Variants in TRIM24 observed in about 807,000 individuals in gnomAD.
TRIM24 encodes the protein transcription intermediary factor 1-alpha.
TRIM24 carries 29 observed loss-of-function variants against 123.9 expected under a neutral mutation model. The observed-to-expected ratio is 0.23, with a 90% CI of 0.17 to 0.32. The LOEUF is 0.32. TRIM24 is among the 10% of genes least tolerant of loss of function. The pLI is 1.00. For synonymous variants in TRIM24, 456 were observed against 461.1 expected (o/e 0.99, Z 0.14); for missense variants, 932 against 1,295.3 (o/e 0.72, Z 4.31).
chr7:138,469,696 G>A (rs1426060740), intron 1 of TRIM24, among the ~76,000 whole-genome samples: 1 of 152,124 alleles, frequency 6.6e-6, no homozygotes, highest in African/African-American at 2.4e-5. Flanking sequence ...GTAATGTGGT[G>A]TGGCACACCA....
intron 6 of TRIM24, among the ~76,000 whole-genome samples, chr7:138,530,186 G>C (rs1360142463): frequency 6.6e-6 from 1 of 150,568 alleles, no homozygotes; most frequent in African/African-American, 2.5e-5. Context: ...GGAACAATCA[G>C]ACCCCATTTA....
intron 7 of TRIM24, among the ~76,000 whole-genome samples, chr7:138,546,974 G>A (rs1444093188): frequency 6.6e-6 from 1 of 152,138 alleles, no homozygotes; most frequent in East Asian, 1.9e-4. Context: ...TTGAATAGAT[G>A]TATGTACTCC....
At chr7:138,515,459 T>A in intron 3 of TRIM24, 100 bp downstream of exon 3, 1 of 1,359,768 alleles carries the variant, frequency 7.4e-7, no homozygotes, top group Non-Finnish European at 1.0e-6. Flanking sequence ...TGATAAGTAT[T>A]AAATATACTG....
intron 9 of TRIM24, among the ~76,000 whole-genome samples, chr7:138,560,361 T>G (rs1258205734): frequency 6.6e-6 from 1 of 152,162 alleles, no homozygotes; most frequent in African/African-American, 2.4e-5. Flanking sequence ...TAACAATACT[T>G]TAGTCACTTC....
At chr7:138,524,412 A>G (rs964441519) in intron 4 of TRIM24, among the ~76,000 whole-genome samples, 15 of 152,174 alleles carry the variant, frequency 9.9e-5, no homozygotes, top group Non-Finnish European at 1.8e-4. Flanking sequence ...AGTTGCCTAT[A>G]AAAGTATTTG....
intron 1 of TRIM24, among the ~76,000 whole-genome samples, chr7:138,469,597 C>G (rs942714226): frequency 2.0e-5 from 3 of 152,124 alleles, no homozygotes; most frequent in Non-Finnish European, 4.4e-5. Context: ...CTGCCGAGCC[C>G]TTTCTTAATT....
chr7:138,530,059 C>G (rs1796697278), intron 6 of TRIM24, among the ~76,000 whole-genome samples: 1 of 152,026 alleles, frequency 6.6e-6, no homozygotes, highest in Non-Finnish European at 1.5e-5. Context: ...AAAGTTCTAT[C>G]CCTTCTGGGA....
intron 3 of TRIM24, among the ~76,000 whole-genome samples, chr7:138,516,580 C>T (rs1018226910): frequency 4.6e-5 from 7 of 152,108 alleles, no homozygotes. Context: ...GTCTCGAACT[C>T]CTGACCTCAA....
chr7:138,570,305 T>C (rs1797627583), intron 10 of TRIM24, among the ~76,000 whole-genome samples: 1 of 152,164 alleles, frequency 6.6e-6, no homozygotes, highest in Non-Finnish European at 1.5e-5. Flanking sequence ...TTCACCTCTA[T>C]ATACTTCAGC....
At chr7:138,501,692 C>T (rs1044471069) in intron 1 of TRIM24, among the ~76,000 whole-genome samples, 3 of 152,002 alleles carry the variant, frequency 2.0e-5, no homozygotes, top group African/African-American at 7.2e-5. Flanking sequence ...TCAAGACCAT[C>T]CTGGCTAACA....
intron 18 of TRIM24, among the ~76,000 whole-genome samples, chr7:138,584,253 ATTC>A (rs1797966194): frequency 6.6e-6 from 1 of 152,212 alleles, no homozygotes; most frequent in African/African-American, 2.4e-5. Context: ...ACCTAGACAT[ATTC>A]TTTATCATTC....
Position 138,579,275 on chromosome 7 carries a change from T to G in TRIM24, c.2328T>G (p.Thr776=). 1 of 1,614,156 alleles carries G rather than the reference T, an allele frequency of 6.2e-7. No homozygotes were observed. The highest frequency in any genetic ancestry group is 8.5e-7 in the Non-Finnish European group (1 of 1,179,996). ...NSSQSSTSEE[T]VLRSDAPDST... ...GTCAGAGCTCTACTTCTGAGGAGAC[T>G]GTGCTAAGATCAGATGCCCCTGATA... Residue 776 remains threonine (T), a synonymous_variant, in exon 15 of 19, where the codon ACT becomes ACG. Coordinates refer to ENST00000343526, the MANE Select transcript of TRIM24 (RefSeq NM_015905.3).
At chr7:138,582,105 A>ATC (rs1420917918) in intron 17 of TRIM24, among the ~76,000 whole-genome samples, 1 of 152,218 alleles carries the variant, frequency 6.6e-6, no homozygotes, top group Non-Finnish European at 1.5e-5. Context: ...AAATAAAGAC[A>ATC]TCTCTCCCTG....
chr7:138,547,428 A>G (rs908866765), intron 7 of TRIM24, among the ~76,000 whole-genome samples: 4 of 152,238 alleles, frequency 2.6e-5, no homozygotes, highest in African/African-American at 7.2e-5. Flanking sequence ...ATATGAGGTA[A>G]TACATAGATT....
intron 1 of TRIM24, among the ~76,000 whole-genome samples, chr7:138,497,399 T>C (rs938205892): frequency 7.1e-5 from 8 of 112,552 alleles, no homozygotes; most frequent in African/African-American, 2.5e-4. Flanking sequence ...ATTTCTTTTT[T>C]TTTTTTTTTT....
intron 2 of TRIM24, among the ~76,000 whole-genome samples, chr7:138,507,496 T>A (rs1014992270): frequency 6.6e-6 from 1 of 151,860 alleles, no homozygotes; most frequent in Non-Finnish European, 1.5e-5. Context: ...GCCTGGCTAA[T>A]TTTTGATACA....
chr7:138,499,718 A>G (rs1795994295), intron 1 of TRIM24, among the ~76,000 whole-genome samples: 1 of 152,132 alleles, frequency 6.6e-6, no homozygotes. Flanking sequence ...GGTGTGGGGC[A>G]GGGCAGGGAA....
At chr7:138,580,324 G>T (rs549675287) in intron 15 of TRIM24, among the ~76,000 whole-genome samples, 2 of 151,992 alleles carry the variant, frequency 1.3e-5, no homozygotes, top group South Asian at 2.1e-4. Context: ...TTCAATATAT[G>T]TATCTCACAC....
At position 138,573,568 on chromosome 7, in the gene TRIM24, A is replaced by G. The variant is rs1348273574; in HGVS notation, c.1940A>G (p.His647Arg). Residue 647 changes from histidine to arginine, a missense_variant, in exon 12 of 19, where the codon CAT (histidine) becomes CGT (arginine). Coordinates refer to ENST00000343526, the MANE Select transcript of TRIM24 (RefSeq NM_015905.3). ...GTGAGGAAAGATACTAATATAGATC[A>G]TGGCCAGCCAAGACCACCCTCAAAC... ...NIVRKDTNIDHGQPRPPSNRT... is the reference protein window; with the variant it reads ...NIVRKDTNIDRGQPRPPSNRT... The G allele has an allele frequency of 1.2e-6, 2 of 1,614,038 alleles. No homozygotes were observed. Among genetic ancestry groups the G allele is most frequent in the Non-Finnish European group, 1.7e-6 (2 of 1,179,938 alleles).
Sources: allele counts gnomAD v4.1 joint callset (sites outside exome capture counted in the v4.1 genomes callset), GRCh38; gene constraint gnomAD v4.1.1; transcripts MANE v1.5; gene names NCBI Gene and HGNC (gene_info 2026-07-23, HGNC 2026-07-21).